MAML3: variants seen among roughly 807,000 people sequenced by gnomAD.
MAML3 encodes the protein mastermind-like protein 3.
A neutral mutation model predicts 101.9 loss-of-function variants in MAML3; 27 were observed. That is an observed-to-expected ratio of 0.27 (90% CI 0.20 to 0.37). The LOEUF is 0.37. MAML3 is among the 10% of genes least tolerant of loss of function. The probability of loss-of-function intolerance (pLI) is 1.00; values close to 1 mark genes in which losing one functional copy is unlikely to be tolerated. For synonymous variants in MAML3, 501 were observed against 555.9 expected (o/e 0.90, Z 1.39); for missense variants, 1,316 against 1,444.9 (o/e 0.91, Z 1.45).
At chr4:139,784,933 A>AG (rs1730280003) in intron 2 of MAML3, among the ~76,000 whole-genome samples, 2 of 149,480 alleles carry the variant, frequency 1.3e-5, no homozygotes, top group African/African-American at 4.9e-5. Context: ...GGAGACGAGG[A>AG]GGGGTGGGAG....
At chr4:140,152,359 G>A (rs765490660) in intron 1 of MAML3, among the ~76,000 whole-genome samples, 7 of 152,320 alleles carry the variant, frequency 4.6e-5, no homozygotes, top group Middle Eastern at 3.4e-3. Context: ...TTGAGGGCCT[G>A]GTGCCCGCCC....
At chr4:139,834,464 C>T (rs1314594187) in intron 2 of MAML3, among the ~76,000 whole-genome samples, 4 of 152,324 alleles carry the variant, frequency 2.6e-5, no homozygotes, top group East Asian at 1.9e-4. Context: ...TGGGGATCCC[C>T]GTGGCCGGCC....
rs564206824 is a variant in MAML3 at position 139,785,241 on chromosome 4, G to A, written c.2080-54574C>T. On this transcript the variant is annotated intron_variant, in intron 2 of 4. Coordinates refer to ENST00000509479, the MANE Select transcript of MAML3 (RefSeq NM_018717.5). The surrounding 1 kb of genome is among the most constrained non-coding windows in gnomAD (Gnocchi z 4.3). The stretch of plus-strand genomic sequence containing the variant: ...CCTCAGCTTCTGGGTCCTCCCACAC[G>A]GTGCCGGATCCTGATACCAAGACCG... 2.2e-4 allele frequency among the ~76,000 whole-genome samples: 33 copies of A among 152,310 alleles called. No homozygotes were observed. Among genetic ancestry groups the A allele is most frequent in the Non-Finnish European group, 3.1e-4 (21 of 68,034 alleles).
At chr4:139,810,847 C>T (rs906032986) in intron 2 of MAML3, among the ~76,000 whole-genome samples, 4 of 152,184 alleles carry the variant, frequency 2.6e-5, no homozygotes, top group African/African-American at 9.7e-5. Flanking sequence ...GAGGGATTTT[C>T]CTGCCTCCCT....
intron 1 of MAML3, among the ~76,000 whole-genome samples, chr4:140,130,276 A>G (rs530343652): frequency 1.3e-5 from 2 of 152,232 alleles, no homozygotes; most frequent in Non-Finnish European, 2.9e-5. Context: ...TTGAAGGAAC[A>G]ATGTCTACGC....
intron 1 of MAML3, among the ~76,000 whole-genome samples, chr4:140,045,082 A>C (rs1418456524): frequency 6.6e-6 from 1 of 152,174 alleles, no homozygotes; most frequent in Non-Finnish European, 1.5e-5. Flanking sequence ...TTTTCTTCCC[A>C]GTTTTAATGT....
intron 1 of MAML3, among the ~76,000 whole-genome samples, chr4:140,064,546 G>GT (rs796689701): frequency 5.9e-5 from 9 of 152,276 alleles, no homozygotes; most frequent in African/African-American, 1.7e-4. Flanking sequence ...TCAAGAACGA[G>GT]TTTTTTGGGC....
chr4:139,848,675 A>T (rs1731490805), intron 2 of MAML3, among the ~76,000 whole-genome samples: 1 of 152,228 alleles, frequency 6.6e-6, no homozygotes, highest in African/African-American at 2.4e-5. Context: ...TTCTTGAGAG[A>T]TATGCACTTA....
intron 1 of MAML3, among the ~76,000 whole-genome samples, chr4:140,063,593 T>C (rs1727484807): frequency 6.6e-6 from 1 of 152,184 alleles, no homozygotes; most frequent in South Asian, 2.1e-4. Context: ...CAATATTCCC[T>C]TTTATAGCTT....
Position 140,148,386 on chromosome 4 carries a change from C to T in MAML3, c.468+4474G>A, listed in dbSNP as rs1729099512. 2.6e-5 allele frequency among the ~76,000 whole-genome samples: 4 copies of T among 152,220 alleles called. No homozygotes were observed. In the Middle Eastern group the frequency reaches 0.014, roughly 518 times the overall value. On this transcript the variant is annotated intron_variant, in intron 1 of 4. Transcript: ENST00000509479. Reference sequence around the variant, plus strand: ...AACCAAATAACATAATAGAATTAAACATGTATTGGAGCTTAAAAAAATGCT... The same window carrying T: ...AACCAAATAACATAATAGAATTAAATATGTATTGGAGCTTAAAAAAATGCT...
intron 2 of MAML3, among the ~76,000 whole-genome samples, chr4:139,820,871 T>G (rs1267992522): frequency 1.3e-5 from 2 of 152,204 alleles, no homozygotes; most frequent in Non-Finnish European, 2.9e-5. Flanking sequence ...TGATCACATC[T>G]CTAATTATGT....
intron 1 of MAML3, among the ~76,000 whole-genome samples, chr4:140,079,473 T>C (rs1379813985): frequency 6.6e-6 from 1 of 152,114 alleles, no homozygotes; most frequent in Non-Finnish European, 1.5e-5. Flanking sequence ...TTTGTATTTC[T>C]AGTAGATATG....
intron 2 of MAML3, among the ~76,000 whole-genome samples, chr4:139,798,259 G>A (rs795999): frequency 0.012 from 1,874 of 152,210 alleles, 40 homozygotes; most frequent in African/African-American, 0.043. Flanking sequence ...CCAAGTACTT[G>A]GAATGAATGG....
At chr4:139,960,353 T>C (rs1578617649) in intron 1 of MAML3, among the ~76,000 whole-genome samples, 1 of 152,206 alleles carries the variant, frequency 6.6e-6, no homozygotes. Flanking sequence ...CATTTGCCCC[T>C]TCTCCCTCAC....
At chr4:139,965,644 G>C (rs1392344346) in intron 1 of MAML3, among the ~76,000 whole-genome samples, 1 of 152,124 alleles carries the variant, frequency 6.6e-6, no homozygotes, top group African/African-American at 2.4e-5. Context: ...ATATATAACT[G>C]TTTCTAACAC....
At chr4:140,030,820 C>A (rs575817903) in intron 1 of MAML3, among the ~76,000 whole-genome samples, 1 of 152,142 alleles carries the variant, frequency 6.6e-6, no homozygotes. Flanking sequence ...ATTCTAAACC[C>A]CAGGGATGGT....
chr4:140,041,287 T>C (rs768862423), intron 1 of MAML3, among the ~76,000 whole-genome samples: 2 of 151,280 alleles, frequency 1.3e-5, no homozygotes, highest in Non-Finnish European at 2.9e-5. Flanking sequence ...CTTCATGGAG[T>C]AGGCCAGAGA....
chr4:140,083,932 G>A lies in MAML3; in HGVS notation c.468+68928C>T, dbSNP rs373685226. Among the ~76,000 whole-genome samples the A allele has an allele frequency of 4.1e-4, 52 of 126,020 alleles. No individual in the cohort carries two copies. In the East Asian group the frequency reaches 4.4e-3, roughly 11 times the overall value. The allele number at this position is 126,020 out of a possible 152,430, so 82.7% of individuals were successfully genotyped here. ...ACCCTAGATTGAAACACACACGCGCGCACACACACACACACACACACACAC... is the reference window on the plus strand; with the variant it reads ...ACCCTAGATTGAAACACACACGCGCACACACACACACACACACACACACAC... On this transcript the variant is annotated intron_variant, in intron 1 of 4. Coordinates refer to ENST00000509479, the MANE Select transcript of MAML3 (RefSeq NM_018717.5).
chr4:139,990,969 A>T (rs1734660198), intron 1 of MAML3, among the ~76,000 whole-genome samples: 1 of 152,248 alleles, frequency 6.6e-6, no homozygotes, highest in Non-Finnish European at 1.5e-5. Context: ...GAAAATGGTC[A>T]TACTGCCCAA....
Sources: allele counts gnomAD v4.1 joint callset (sites outside exome capture counted in the v4.1 genomes callset), GRCh38; gene constraint gnomAD v4.1.1; non-coding constraint Gnocchi (gnomAD v3.1); transcripts MANE v1.5; gene names NCBI Gene and HGNC (gene_info 2026-07-23, HGNC 2026-07-21).